Variants in AHI1 observed in about 807,000 individuals in gnomAD.
AHI1 encodes the protein jouberin.
Under a neutral mutation model 149.3 loss-of-function variants are expected in AHI1, and 123 were observed. The ratio of observed to expected loss-of-function variants is 0.82; its 90% CI spans 0.71 to 0.96. The LOEUF (loss-of-function observed/expected upper bound fraction) is 0.96, where lower values mean the gene tolerates loss of function less well. Ranked by LOEUF, AHI1 falls within the 40% of genes least tolerant of loss-of-function variation. The probability of loss-of-function intolerance (pLI) is 0.00; values close to 1 mark genes in which losing one functional copy is unlikely to be tolerated. For missense variants in AHI1, 1,439 were observed against 1,422.7 expected, an observed-to-expected ratio of 1.01 and a Z score of -0.18; for synonymous variants, 475 against 459.8, an observed-to-expected ratio of 1.03 and a Z score of -0.42.
intron 21 of AHI1, among the ~76,000 whole-genome samples, chr6:135,409,156 T>C (rs543615996): frequency 3.9e-5 from 6 of 152,156 alleles, no homozygotes; most frequent in Admixed American, 6.5e-5. Context: ...ATTATTTGCA[T>C]GTTAAAAGGG....
chr6:135,386,619 GTTT>G (rs1161859068), intron 23 of AHI1, among the ~76,000 whole-genome samples: 1 of 151,358 alleles, frequency 6.6e-6, no homozygotes, highest in African/African-American at 2.4e-5. Flanking sequence ...CTAGAAAAGT[GTTT>G]TTTCTTTTCT....
In AHI1 at chr6:135,329,190, T is replaced by C. The variant is rs565559881; in HGVS notation, c.3166-5866A>G. 5.9e-5 allele frequency among the ~76,000 whole-genome samples: 9 copies of C among 152,338 alleles called. 1 individual carries two copies. In the South Asian group the frequency reaches 1.5e-3, roughly 25 times the overall value. On this transcript the variant is annotated intron_variant, in intron 24 of 28. Transcript: ENST00000265602. ...AGATCACTAATGAAGGTGGCTATAC[T>C]AAAGAATAGATTTTCTCAATGGAGA... is the stretch of plus-strand genomic sequence containing the variant.
intron 7 of AHI1, 132 bp from the exon 8 acceptor site, chr6:135,463,438 T>C: frequency 4.2e-6 from 3 of 715,202 alleles, no homozygotes; most frequent in Non-Finnish European, 6.3e-6. Flanking sequence ...TCTTGAGAGA[T>C]GCATGTATTT....
At chr6:135,342,991 C>T (rs1372450004) in intron 24 of AHI1, among the ~76,000 whole-genome samples, 3 of 150,542 alleles carry the variant, frequency 2.0e-5, no homozygotes, top group Admixed American at 2.0e-4. Context: ...GTAAAACTAT[C>T]TCTATTAGTA....
intron 23 of AHI1, among the ~76,000 whole-genome samples, chr6:135,389,307 T>TAA (rs773530746): frequency 3.4e-4 from 33 of 96,870 alleles, no homozygotes; most frequent in Non-Finnish European, 3.2e-4. Context: ...AGACTCTGTC[T>TAA]AAAAAAAAAA....
intron 12 of AHI1, 66 bp from the exon 13 acceptor site, chr6:135,447,226 G>C (rs756075179): frequency 1.1e-4 from 124 of 1,116,208 alleles, no homozygotes; most frequent in Non-Finnish European, 1.4e-4. Flanking sequence ...CTAGCATATA[G>C]TTTTTAAAAT....
At chr6:135,406,113 G>A (rs1028995060) in intron 21 of AHI1, among the ~76,000 whole-genome samples, 1 of 152,164 alleles carries the variant, frequency 6.6e-6, no homozygotes, top group African/African-American at 2.4e-5. Flanking sequence ...TTGACTGCAT[G>A]TTGCTGCCAC....
At chr6:135,480,656 G>A (rs1016347606) in intron 5 of AHI1, among the ~76,000 whole-genome samples, 1 of 152,146 alleles carries the variant, frequency 6.6e-6, no homozygotes, top group Admixed American at 6.5e-5. Context: ...CCTCGTGGGT[G>A]GATTAATCCA....
chr6:135,357,708 C>T (rs1793216630), intron 24 of AHI1, among the ~76,000 whole-genome samples: 1 of 152,178 alleles, frequency 6.6e-6, no homozygotes, highest in South Asian at 2.1e-4. Context: ...TATCTTCCTT[C>T]TATTAATACA....
In AHI1 at chr6:135,355,056, T is replaced by C. The variant is rs563726487; in HGVS notation, c.3165+3076A>G. ...TTGAGGAGAAAAGGTTAAGTTCAAG[T>C]AATTAAAAATCTTGGCAAGCTGTCT... On this transcript the variant is annotated intron_variant, in intron 24 of 28. Transcript: ENST00000265602. Among the ~76,000 whole-genome samples, 6 of 152,300 alleles carry C rather than the reference T, an allele frequency of 3.9e-5. No homozygotes were observed. The East Asian group carries it at 9.6e-4, about 24-fold the overall frequency.
At chr6:135,466,405 A>G in intron 6 of AHI1, 32 bp from the exon 7 acceptor site, 1 of 1,552,126 alleles carries the variant, frequency 6.4e-7, no homozygotes, top group Non-Finnish European at 8.8e-7. Flanking sequence ...ACAAAGTTTC[A>G]GTTACACATA....
At chr6:135,373,846 TG>T (rs1254254698) in intron 23 of AHI1, among the ~76,000 whole-genome samples, 1 of 152,078 alleles carries the variant, frequency 6.6e-6, no homozygotes, top group Admixed American at 6.6e-5. Context: ...GGCACTGTTC[TG>T]GGAACAGGAG....
At chr6:135,450,000 G>A (rs946382526) in intron 11 of AHI1, among the ~76,000 whole-genome samples, 1 of 152,156 alleles carries the variant, frequency 6.6e-6, no homozygotes, top group Non-Finnish European at 1.5e-5. Context: ...CAGTTTGGAG[G>A]AATCTGACAT....
intron 24 of AHI1, among the ~76,000 whole-genome samples, chr6:135,323,695 T>A (rs1787221715): frequency 1.0e-5 from 1 of 99,772 alleles, no homozygotes; most frequent in African/African-American, 3.9e-5. Context: ...AGCAGATGCA[T>A]CTGAAAAAAA....
intron 27 of AHI1, among the ~76,000 whole-genome samples, chr6:135,293,392 C>CAAAAAAAAAAAAAAAAAAAAA (rs1175955601): frequency 3.5e-4 from 7 of 20,092 alleles, no homozygotes; most frequent in South Asian, 1.7e-3. Flanking sequence ...GTTAACAGGG[C>CAAAAAAAAAAAAAAAAAAAAA]AAAAAAAAAA....
intron 25 of AHI1, among the ~76,000 whole-genome samples, chr6:135,321,269 AAAAG>A (rs939043492): frequency 6.6e-6 from 1 of 152,304 alleles, no homozygotes; most frequent in Middle Eastern, 3.4e-3. Context: ...TCTCAGAAAA[AAAAG>A]AAAGAAAGAA....
chr6:135,462,037 T>C (rs577212446), intron 8 of AHI1, among the ~76,000 whole-genome samples: 2 of 152,144 alleles, frequency 1.3e-5, no homozygotes, highest in South Asian at 4.2e-4. Flanking sequence ...TAAAAATATG[T>C]ATATGAGTAT....
chr6:135,463,989 T>C (rs535510267), intron 7 of AHI1, among the ~76,000 whole-genome samples: 1 of 152,200 alleles, frequency 6.6e-6, no homozygotes, highest in Non-Finnish European at 1.5e-5. Context: ...AATTCCTTGG[T>C]GAGTCACTAC....
chr6:135,426,968 T>G (rs1210036951), intron 20 of AHI1, among the ~76,000 whole-genome samples, 199 bp downstream of exon 20: 3 of 151,824 alleles, frequency 2.0e-5, no homozygotes, highest in Admixed American at 6.6e-5. Flanking sequence ...GTTAACATAT[T>G]CCAAATAATT....
Sources: gnomAD v4.1 joint callset for allele counts (sites outside exome capture counted in the v4.1 genomes callset) on GRCh38, gnomAD v4.1.1 for gene constraint, MANE v1.5 for transcripts, NCBI Gene and HGNC (gene_info 2026-07-23, HGNC 2026-07-21) for gene names.